The following KIRREL1 variants were observed in gnomAD, a reference collection of about 807,000 sequenced individuals.
KIRREL1 encodes kin of IRRE-like protein 1.
A neutral mutation model predicts 83.3 loss-of-function variants in KIRREL1; 25 were observed. The observed-to-expected ratio is 0.30, with a 90% CI of 0.22 to 0.42. The LOEUF (loss-of-function observed/expected upper bound fraction) is 0.42, where lower values mean the gene tolerates loss of function less well. KIRREL1 is among the 10% of genes least tolerant of loss of function. The pLI is 1.00. For synonymous variants in KIRREL1, 388 were observed against 410.4 expected, an observed-to-expected ratio of 0.95 and a Z score of 0.66; for missense variants, 812 against 1,032.3, an observed-to-expected ratio of 0.79 and a Z score of 2.92.
chr1:158,044,327 T>A (rs955537111), intron 1 of KIRREL1, among the ~76,000 whole-genome samples: 3 of 152,184 alleles, frequency 2.0e-5, no homozygotes, highest in African/African-American at 7.2e-5. Flanking sequence ...CTGTACTGAC[T>A]GGGAGGTCCA....
chr1:158,007,836 C>CCCGAG (rs1217783688), intron 1 of KIRREL1, among the ~76,000 whole-genome samples: 1 of 152,034 alleles, frequency 6.6e-6, no homozygotes, highest in Non-Finnish European at 1.5e-5. Context: ...TCTCTCTGCC[C>CCCGAG]CCGAGCCGGA....
intron 1 of KIRREL1, among the ~76,000 whole-genome samples, chr1:158,052,915 G>C (rs1283075755): frequency 6.6e-6 from 1 of 152,182 alleles, no homozygotes; most frequent in African/African-American, 2.4e-5. Flanking sequence ...TGTGTCACAT[G>C]GCGAGAGAGG....
At chr1:158,010,119 A>T (rs888878741) in intron 1 of KIRREL1, among the ~76,000 whole-genome samples, 1 of 152,114 alleles carries the variant, frequency 6.6e-6, no homozygotes, top group African/African-American at 2.4e-5. Flanking sequence ...GTAAGAGTTC[A>T]TGAAAAGGAC....
intron 1 of KIRREL1, 23 bp downstream of exon 1, chr1:157,993,751 C>T (rs1297296817): frequency 2.1e-6 from 3 of 1,457,940 alleles, no homozygotes; most frequent in Admixed American, 4.9e-5. Flanking sequence ...AGCCCACCCC[C>T]GGACGCTCGG....
Position 158,057,517 on chromosome 1 carries a change from C to T in KIRREL1, c.53-18596C>T, listed in dbSNP as rs557016620. 3.9e-5 allele frequency among the ~76,000 whole-genome samples: 6 copies of T among 152,330 alleles called. No homozygotes were observed. In the East Asian group the frequency reaches 5.8e-4, roughly 15 times the overall value. On this transcript the variant is annotated intron_variant, in intron 1 of 14. Transcript: ENST00000359209. ...TTCATGCCACTGAGCTCTTTCCCAC[C>T]GTCACCTAAAGGCTTGGGAACTGTT...
chr1:158,008,074 T>C (rs1659571625), intron 1 of KIRREL1, among the ~76,000 whole-genome samples: 1 of 152,160 alleles, frequency 6.6e-6, no homozygotes, highest in African/African-American at 2.4e-5. Context: ...AATTAATCAT[T>C]CTGGCTTTCA....
chr1:158,042,156 C>G (rs573644949), intron 1 of KIRREL1, among the ~76,000 whole-genome samples: 2 of 151,870 alleles, frequency 1.3e-5, no homozygotes, highest in East Asian at 3.9e-4. Context: ...CCTCCAACAC[C>G]AGAATGGAGG....
At chr1:158,012,663 A>G (rs759269629) in intron 1 of KIRREL1, among the ~76,000 whole-genome samples, 1 of 152,192 alleles carries the variant, frequency 6.6e-6, no homozygotes, top group African/African-American at 2.4e-5. Flanking sequence ...GCTTTATAAC[A>G]TGGAATTCAT....
intron 1 of KIRREL1, among the ~76,000 whole-genome samples, chr1:158,018,098 A>G (rs533762594): frequency 5.6e-4 from 85 of 152,160 alleles, no homozygotes; most frequent in African/African-American, 1.8e-3. Context: ...AATAGCTTTG[A>G]TTTCCTTTTT....
At chr1:158,079,350 G>A (rs7367322) in intron 3 of KIRREL1, among the ~76,000 whole-genome samples, 69,092 of 151,952 alleles carry the variant, frequency 0.45, 16,303 homozygotes, top group East Asian at 0.7. Flanking sequence ...TTGAGACAGA[G>A]TCTCTGTCAC....
chr1:158,068,947 C>A (rs1661431642), intron 1 of KIRREL1, among the ~76,000 whole-genome samples: 1 of 152,174 alleles, frequency 6.6e-6, no homozygotes, highest in Admixed American at 6.5e-5. Flanking sequence ...GCAGCACGAT[C>A]TGGAGTGGAG....
chr1:158,076,223 A>G lies in KIRREL1; in HGVS notation c.163A>G (p.Lys55Glu). The stretch of plus-strand genomic sequence containing the variant: ...CTACTCTGGAATTGTGCAATGGACC[A>G]AGGACGGGCTGGCCCTGGGCATGGG... ...LNYSGIVQWT[K>E]DGLALGMGQG... Residue 55 changes from lysine (K) to glutamate (E), a missense_variant, in exon 2 of 15, where the codon AAG becomes GAG. By Grantham distance (56) the Lys-to-Glu change is moderately conservative. This residue lies in a region of KIRREL1 where 472 missense variants were observed against 626.8 expected (regional missense o/e 0.75). Transcript: ENST00000359209. 2 of 1,614,154 alleles carry G rather than the reference A, an allele frequency of 1.2e-6. No homozygotes were observed. Among genetic ancestry groups the G allele is most frequent in the Non-Finnish European group, 1.7e-6 (2 of 1,180,008 alleles).
chr1:158,013,598 C>G (rs1229892088), intron 1 of KIRREL1, among the ~76,000 whole-genome samples: 1 of 152,168 alleles, frequency 6.6e-6, no homozygotes, highest in Non-Finnish European at 1.5e-5. Context: ...TTATTCCAAC[C>G]CTTGAATGTT....
chr1:158,039,129 G>A (rs1353852302), intron 1 of KIRREL1, among the ~76,000 whole-genome samples: 2 of 152,142 alleles, frequency 1.3e-5, no homozygotes, highest in Non-Finnish European at 2.9e-5. Context: ...CCAACACTGA[G>A]GCTCTGCCAT....
intron 1 of KIRREL1, among the ~76,000 whole-genome samples, chr1:158,030,535 C>T (rs1049376805): frequency 6.6e-6 from 1 of 152,152 alleles, no homozygotes; most frequent in Non-Finnish European, 1.5e-5. Context: ...TACTCCAGGC[C>T]GTCGCATATC....
chr1:158,080,918 A>G (rs899533258), intron 3 of KIRREL1, among the ~76,000 whole-genome samples: 2 of 146,658 alleles, frequency 1.4e-5, no homozygotes, highest in African/African-American at 5.0e-5. Context: ...GGACCCAGAG[A>G]CTAGGCAGGG....
chr1:158,070,144 A>G (rs1345426335), intron 1 of KIRREL1, among the ~76,000 whole-genome samples: 1 of 152,190 alleles, frequency 6.6e-6, no homozygotes, highest in Non-Finnish European at 1.5e-5. Flanking sequence ...CAGGAGGTAA[A>G]CAGGGTTAAG....
intron 1 of KIRREL1, among the ~76,000 whole-genome samples, chr1:158,049,563 G>T (rs1450678072): frequency 1.3e-5 from 2 of 152,194 alleles, no homozygotes; most frequent in African/African-American, 4.8e-5. Context: ...CCATTGAAAG[G>T]TTTTTCATAG....
intron 1 of KIRREL1, among the ~76,000 whole-genome samples, chr1:158,002,215 C>T (rs190050717): frequency 5.9e-5 from 9 of 152,294 alleles, no homozygotes; most frequent in South Asian, 2.1e-4. Context: ...CAGAGTTCAA[C>T]GGCAGTAACT....
Sources: allele counts gnomAD v4.1 joint callset (sites outside exome capture counted in the v4.1 genomes callset), GRCh38; gene constraint gnomAD v4.1.1; regional missense constraint gnomAD v4.1.1; transcripts MANE v1.5; gene names NCBI Gene and HGNC (gene_info 2026-07-23, HGNC 2026-07-21).